FUBP1: variants seen among roughly 807,000 people sequenced by gnomAD.
FUBP1 encodes the protein far upstream element binding protein 1.
A neutral mutation model predicts 94.9 loss-of-function variants in FUBP1; 16 were observed. The observed-to-expected ratio is 0.17, with a 90% CI of 0.11 to 0.26. The LOEUF is 0.26. Among genes scored for constraint, FUBP1 ranks in the 10% least tolerant of loss-of-function variants. FUBP1 has a pLI of 1.00. For synonymous variants in FUBP1, 279 were observed against 254.9 expected, an observed-to-expected ratio of 1.09 and a Z score of -0.90; for missense variants, 583 against 808.6, an observed-to-expected ratio of 0.72 and a Z score of 3.38.
intron 1 of FUBP1, among the ~76,000 whole-genome samples, chr1:77,973,127 A>G (rs1001727405): frequency 1.3e-5 from 2 of 152,182 alleles, no homozygotes; most frequent in Non-Finnish European, 2.9e-5. Context: ...TTTAAGAAAA[A>G]TAGTAATTCC....
chr1:77,949,064 T>C, intron 19 of FUBP1, 91 bp downstream of exon 19: 1 of 1,263,992 alleles, frequency 7.9e-7, no homozygotes, highest in East Asian at 2.3e-5. Context: ...CAGATAAAAA[T>C]TTAAAAGGCA....
rs200297773 is a variant in FUBP1 at position 77,969,912 on chromosome 1, G to C, written c.211+13C>G. On this transcript the variant is annotated intron_variant, in intron 2 of 19. Coordinates refer to ENST00000370768, the MANE Select transcript of FUBP1 (RefSeq NM_003902.5). ...TCTGAAAAACAATTTAAAATACTTAGAGTATAACTTACCTCCATCTTCTAA... is the reference window on the plus strand; with the variant it reads ...TCTGAAAAACAATTTAAAATACTTACAGTATAACTTACCTCCATCTTCTAA... 1 of 1,171,448 alleles carries C rather than the reference G, an allele frequency of 8.5e-7. No individual in the cohort carries two copies. Among genetic ancestry groups the C allele is most frequent in the Non-Finnish European group, 1.3e-6 (1 of 795,188 alleles). 72.6% of individuals were successfully genotyped at this position (1,171,448 alleles called of 1,614,324 possible). A position where few individuals can be genotyped will look rare whatever the true frequency, so the allele number is the denominator to read the frequency against.
chr1:77,955,123 A>G lies in FUBP1; in HGVS notation c.1780+132T>C, dbSNP rs1298720392. The G allele has an allele frequency of 3.9e-5, 22 of 564,074 alleles. No individual in the cohort carries two copies. The South Asian group carries it at 4.7e-4, about 12-fold the overall frequency. 34.9% of individuals were successfully genotyped at this position (564,074 alleles called of 1,614,324 possible). On this transcript the variant is annotated intron_variant, in intron 18 of 19. Transcript: ENST00000370768. ...TTCCTTGCCATATAACCACAAATTT[A>G]AAAACTATAATTTACAACTGTCTTG...
At chr1:77,949,091 C>G in intron 19 of FUBP1, 64 bp downstream of exon 19, 1 of 1,447,492 alleles carries the variant, frequency 6.9e-7, no homozygotes, top group South Asian at 1.2e-5. Context: ...CCCAAACAGA[C>G]AAACAGTAAA....
chr1:77,949,920 AAAGTAACCTGAC>A lies in FUBP1; in HGVS notation c.1781-632_1781-621del, dbSNP rs1653060971. Among the ~76,000 whole-genome samples, 6 of 152,354 alleles carry A rather than the reference AAAGTAACCTGAC, an allele frequency of 3.9e-5. No individual in the cohort carries two copies. The South Asian group carries it at 1.0e-3, about 26-fold the overall frequency. ...TTCCAATTACAACACAATGTTATTA[AAAGTAACCTGAC>A]AAGGAATAAAGAACAAGATCAATGA... On this transcript the variant is annotated intron_variant, in intron 18 of 19. Transcript: ENST00000370768.
chr1:77,948,962 T>A (rs1226415600), intron 19 of FUBP1, 188 bp from the exon 20 acceptor site: 1 of 953,104 alleles, frequency 1.0e-6, no homozygotes, highest in Non-Finnish European at 1.7e-6. Flanking sequence ...TGCAGAAATA[T>A]TCACCACTCA....
In FUBP1 at chr1:77,964,986, A is replaced by C; in HGVS notation, c.637-18T>G. 6.3e-7 allele frequency: 1 copy of C among 1,598,320 alleles called. No homozygotes were observed. Among genetic ancestry groups the C allele is most frequent in the Non-Finnish European group, 8.6e-7 (1 of 1,166,122 alleles). On this transcript the variant is annotated intron_variant, in intron 8 of 19. Transcript: ENST00000370768. ...GCCCGTTCCTGTTACAATCATAGAA[A>C]TAATATATATTAACAAAAGGAAGTG...
intron 7 of FUBP1, 69 bp downstream of exon 7, chr1:77,966,625 A>T (rs1318953051): frequency 3.7e-6 from 3 of 813,828 alleles, no homozygotes; most frequent in Non-Finnish European, 6.4e-6. Context: ...AGTAACAAAG[A>T]GAAGAGACAA....
chr1:77,955,647 G>C (rs553378251), intron 17 of FUBP1, among the ~76,000 whole-genome samples: 25 of 152,240 alleles, frequency 1.6e-4, no homozygotes, highest in African/African-American at 6.0e-4. Context: ...AAAGGAAAAG[G>C]CTTGAAAACC....
intron 1 of FUBP1, among the ~76,000 whole-genome samples, chr1:77,977,112 C>G (rs1248727742): frequency 1.3e-5 from 2 of 152,184 alleles, no homozygotes; most frequent in Non-Finnish European, 2.9e-5. Flanking sequence ...TGTCTGCTCT[C>G]GTTAAAGTAT....
intron 1 of FUBP1, among the ~76,000 whole-genome samples, chr1:77,975,176 T>G (rs1318458994): frequency 6.6e-6 from 1 of 152,220 alleles, no homozygotes; most frequent in Non-Finnish European, 1.5e-5. Context: ...AGGTCTGACT[T>G]GTACTGTAAT....
rs1200124413 is a variant in FUBP1, at chr1:77,944,424, T to TA, written c.*4341dup. On this transcript the variant is annotated 3_prime_UTR_variant, in exon 20 of 20. Transcript: ENST00000370768. ...TATTTGCTTATTAAAAGCACCAATT[T>TA]AAAAAAATCCCTCAAAAGCTTATAT... is the stretch of plus-strand genomic sequence containing the variant. Among the ~76,000 whole-genome samples, 8 of 151,830 alleles carry TA rather than the reference T, an allele frequency of 5.3e-5. No homozygotes were observed. The highest frequency in any genetic ancestry group is 2.6e-4 in the Admixed American group (4 of 15,236).
intron 18 of FUBP1, among the ~76,000 whole-genome samples, chr1:77,954,339 AG>A (rs1214185369): frequency 6.6e-6 from 1 of 152,226 alleles, no homozygotes; most frequent in Admixed American, 6.5e-5. Flanking sequence ...TAGCTACTGT[AG>A]ATCTGCCTAA....
At chr1:77,964,202 T>C (rs753254762) in intron 11 of FUBP1, 40 bp from the exon 12 acceptor site, 8 of 1,545,106 alleles carry the variant, frequency 5.2e-6, no homozygotes, top group East Asian at 2.2e-5. Flanking sequence ...ACAATAAATG[T>C]ATGTCAAAAC....
intron 4 of FUBP1, 73 bp downstream of exon 4, chr1:77,967,554 C>A: frequency 9.5e-7 from 1 of 1,053,350 alleles, no homozygotes; most frequent in Middle Eastern, 2.0e-4. Context: ...CAATATACAC[C>A]AATGTGGTTG....
chr1:77,949,346 C>T (rs1264456056), intron 18 of FUBP1, 46 bp from the exon 19 acceptor site: 6 of 1,495,182 alleles, frequency 4.0e-6, no homozygotes, highest in Non-Finnish European at 5.6e-6. Context: ...ATTATAAGCC[C>T]AACATCTCAT....
chr1:77,964,126 G>A lies in FUBP1; in HGVS notation c.977C>T (p.Thr326Ile), dbSNP rs141354797. 420 of 1,609,008 alleles carry A rather than the reference G, an allele frequency of 2.6e-4. 1 individual carries two copies. The highest frequency in any genetic ancestry group is 1.6e-4 in the Non-Finnish European group (188 of 1,175,422). Residue 326 changes from threonine to isoleucine, a missense_variant, in exon 12 of 20, where the codon ACA becomes ATA. By Grantham distance (89) the Thr-to-Ile change is moderately conservative. Transcript: ENST00000370768. ...ATGTTGACATCGGTCTGGAGGTCCTGTTATTTGTGCTATCCTTTCGGGTGT... is the reference window on the plus strand; with the variant it reads ...ATGTTGACATCGGTCTGGAGGTCCTATTATTTGTGCTATCCTTTCGGGTGT... Reference protein sequence around the residue: ...GTTPERIAQITGPPDRCQHAA... With the variant: ...GTTPERIAQIIGPPDRCQHAA...
chr1:77,960,311 T>C, intron 15 of FUBP1, 33 bp downstream of exon 15: 1 of 1,613,190 alleles, frequency 6.2e-7, no homozygotes, highest in Non-Finnish European at 8.5e-7. Context: ...CTAGAATCTT[T>C]GGGGAAAGCC....
Position 77,969,983 on chromosome 1 carries a change from T to C in FUBP1, c.153A>G (p.Thr51=). The change falls in exon 2 of 20, where the codon ACA becomes ACG. Residue 51 remains threonine, a synonymous_variant. Transcript: ENST00000370768. ...AACCATAGTCATTTGAATTCAGTGA[T>C]GTCCCTGCATCACCTCCAATTTTTG... ...IAAKIGGDAG[T]SLNSNDYGYG... 6.3e-7 allele frequency: 1 copy of C among 1,594,050 alleles called. No homozygotes were observed. Among genetic ancestry groups the C allele is most frequent in the Non-Finnish European group, 8.6e-7 (1 of 1,166,774 alleles).
Sources: gnomAD v4.1 joint callset for allele counts (sites outside exome capture counted in the v4.1 genomes callset) on GRCh38, gnomAD v4.1.1 for gene constraint, MANE v1.5 for transcripts, NCBI Gene and HGNC (gene_info 2026-07-23, HGNC 2026-07-21) for gene names.